TANC2: variants seen among roughly 807,000 people sequenced by gnomAD.
The protein encoded by TANC2 is protein TANC2.
Under a neutral mutation model 210.5 loss-of-function variants are expected in TANC2, and 26 were observed. That is an observed-to-expected ratio of 0.12 (90% CI 0.09 to 0.17). The LOEUF is 0.17. TANC2 is among the 10% of genes least tolerant of loss of function. TANC2 has a pLI of 1.00. For missense variants in TANC2, 2,129 were observed against 2,608.9 expected, an observed-to-expected ratio of 0.82 and a Z score of 4.01; for synonymous variants, 931 against 967.1, an observed-to-expected ratio of 0.96 and a Z score of 0.69.
At chr17:63,352,458 A>C (rs1284259886) in intron 13 of TANC2, among the ~76,000 whole-genome samples, 1 of 152,170 alleles carries the variant, frequency 6.6e-6, no homozygotes, top group Non-Finnish European at 1.5e-5. Context: ...AATCAATATA[A>C]ATCCATCTTT....
At chr17:63,080,861 G>A (rs2036746314) in intron 3 of TANC2, among the ~76,000 whole-genome samples, 1 of 152,050 alleles carries the variant, frequency 6.6e-6, no homozygotes, top group South Asian at 2.1e-4. Flanking sequence ...CTGTTTATGT[G>A]CCAGGTTGTA....
At chr17:63,178,226 G>A (rs913407605) in intron 5 of TANC2, among the ~76,000 whole-genome samples, 14 of 152,086 alleles carry the variant, frequency 9.2e-5, no homozygotes, top group African/African-American at 3.1e-4. Flanking sequence ...CCAGCTACTC[G>A]GGAGGCTGAG....
At chr17:63,385,273 T>C (rs1478583357) in intron 15 of TANC2, among the ~76,000 whole-genome samples, 1 of 152,218 alleles carries the variant, frequency 6.6e-6, no homozygotes, top group Non-Finnish European at 1.5e-5. Flanking sequence ...AATGCTGATT[T>C]TTCTCTCTGA....
chr17:63,049,789 T>A (rs2035512779), intron 2 of TANC2, among the ~76,000 whole-genome samples: 1 of 152,064 alleles, frequency 6.6e-6, no homozygotes, highest in Non-Finnish European at 1.5e-5. Context: ...AGAAACCAGG[T>A]TAGTCATGAG....
At chr17:63,361,428 G>A (rs867748420) in intron 14 of TANC2, among the ~76,000 whole-genome samples, 7 of 152,228 alleles carry the variant, frequency 4.6e-5, no homozygotes, top group African/African-American at 1.2e-4. Context: ...AACCAGGCAC[G>A]CTGGCTGCTG....
intron 4 of TANC2, among the ~76,000 whole-genome samples, chr17:63,102,554 G>A (rs2037667567): frequency 6.6e-6 from 1 of 151,694 alleles, no homozygotes; most frequent in Admixed American, 6.6e-5. Flanking sequence ...CATGCGCCAT[G>A]TTGGTGTGCT....
chr17:63,281,945 G>A (rs2044071439), intron 9 of TANC2, among the ~76,000 whole-genome samples: 1 of 152,000 alleles, frequency 6.6e-6, no homozygotes, highest in Non-Finnish European at 1.5e-5. Flanking sequence ...AGCCTCAGAG[G>A]GAGCATGGCC....
intron 14 of TANC2, among the ~76,000 whole-genome samples, chr17:63,368,261 G>A (rs1183319215): frequency 6.6e-6 from 1 of 152,196 alleles, no homozygotes; most frequent in African/African-American, 2.4e-5. Context: ...GCAAAGGCAG[G>A]AGGAAGAACA....
chr17:63,349,891 T>C (rs2046542832), intron 12 of TANC2, among the ~76,000 whole-genome samples: 1 of 152,200 alleles, frequency 6.6e-6, no homozygotes, highest in Admixed American at 6.6e-5. Flanking sequence ...GAATTTCATG[T>C]TTTCTTAGTG....
chr17:63,413,044 G>A (rs894894083), intron 24 of TANC2: 5 of 310,768 alleles, frequency 1.6e-5, no homozygotes, highest in Non-Finnish European at 2.9e-5. Flanking sequence ...AGTGAATCCC[G>A]GGGAGTCCTA....
intron 4 of TANC2, chr17:63,120,585 G>C (rs1305994621): frequency 6.6e-6 from 1 of 152,022 alleles, no homozygotes; most frequent in African/African-American, 2.4e-5. Context: ...AGGCTGATGT[G>C]GGTGGATTGC....
intron 14 of TANC2, among the ~76,000 whole-genome samples, chr17:63,355,804 A>G (rs1387309163): frequency 1.3e-4 from 20 of 152,208 alleles, no homozygotes; most frequent in Admixed American, 1.3e-3. Context: ...ATAAAACCTT[A>G]TCATTTTTAA....
intron 1 of TANC2, among the ~76,000 whole-genome samples, chr17:63,008,339 A>G (rs2033717411): frequency 6.6e-6 from 1 of 152,276 alleles, no homozygotes; most frequent in South Asian, 2.1e-4. Context: ...CAGTGGTTCC[A>G]TATGCATCTA....
chr17:63,326,341 T>C (rs535437448), intron 11 of TANC2, among the ~76,000 whole-genome samples: 42 of 152,350 alleles, frequency 2.8e-4, no homozygotes, highest in African/African-American at 9.9e-4. Context: ...AGATAACTCA[T>C]ATCTCACACC....
At chr17:63,342,778 A>G (rs1281637150) in intron 12 of TANC2, among the ~76,000 whole-genome samples, 2 of 152,194 alleles carry the variant, frequency 1.3e-5, no homozygotes, top group African/African-American at 2.4e-5. Context: ...TCCGTCTCAA[A>G]AAAAAAAGAA....
At chr17:63,409,062 A>G (rs1325511356) in intron 21 of TANC2, among the ~76,000 whole-genome samples, 1 of 152,230 alleles carries the variant, frequency 6.6e-6, no homozygotes, top group Admixed American at 6.5e-5. Flanking sequence ...AAACAGATCC[A>G]GAATATGAAA....
intron 12 of TANC2, 69 bp downstream of exon 12, chr17:63,340,401 A>T (rs2146790354): frequency 7.6e-7 from 1 of 1,310,684 alleles, no homozygotes; most frequent in Non-Finnish European, 1.1e-6. Flanking sequence ...GTCATACTAT[A>T]AAAATGATTG....
chr17:63,384,009 C>A (rs1461262849), intron 15 of TANC2, among the ~76,000 whole-genome samples: 1 of 152,152 alleles, frequency 6.6e-6, no homozygotes, highest in Non-Finnish European at 1.5e-5. Context: ...TAAAAACAGA[C>A]TGAGTTCAAA....
intron 5 of TANC2, among the ~76,000 whole-genome samples, chr17:63,187,518 C>A (rs2041031421): frequency 6.7e-6 from 1 of 150,280 alleles, no homozygotes; most frequent in Non-Finnish European, 1.5e-5. Flanking sequence ...TATAATCTGC[C>A]CCAGAGAGAA....
Sources: gnomAD v4.1 joint callset for allele counts (sites outside exome capture counted in the v4.1 genomes callset) on GRCh38, gnomAD v4.1.1 for gene constraint, MANE v1.5 for transcripts, NCBI Gene and HGNC (gene_info 2026-07-23, HGNC 2026-07-21) for gene names.